OXNAD1: variants seen among roughly 807,000 people sequenced by gnomAD.
OXNAD1 encodes the protein oxidoreductase NAD-binding domain-containing protein 1.
In OXNAD1, 34 loss-of-function variants were observed where a neutral mutation model predicts 32.9. That is an observed-to-expected ratio of 1.03 (90% CI 0.79 to 1.38). OXNAD1 has a LOEUF of 1.38. OXNAD1 is among the 40% of genes most tolerant of loss of function. The pLI is 0.00. For synonymous variants in OXNAD1, 134 were observed against 135.2 expected (o/e 0.99, Z 0.06); for missense variants, 407 against 379.4 (o/e 1.07, Z -0.60).
chr3:16,330,899 G>A lies in OXNAD1; in HGVS notation c.*31-6213G>A, dbSNP rs576155424. 7.2e-5 allele frequency among the ~76,000 whole-genome samples: 11 copies of A among 152,274 alleles called. No homozygotes were observed. The South Asian group carries it at 2.3e-3, about 32-fold the overall frequency. The stretch of plus-strand genomic sequence containing the variant: ...AGAAATAATTAGGAATTCATAAATT[G>A]GTCCAGTGAGAAAGTTTGCATTCTG... On this transcript the variant is annotated intron_variant, in intron 9 of 9. Transcript: ENST00000435829.
At chr3:16,300,825 A>G (rs1015854776) in intron 6 of OXNAD1, among the ~76,000 whole-genome samples, 5 of 152,194 alleles carry the variant, frequency 3.3e-5, no homozygotes, top group Admixed American at 3.3e-4. Context: ...TAGGATCTCT[A>G]GCATCTCTGG....
chr3:16,268,281 A>G (rs987180564), intron 1 of OXNAD1, among the ~76,000 whole-genome samples: 15 of 148,556 alleles, frequency 1.0e-4, no homozygotes, highest in Admixed American at 2.7e-4. Flanking sequence ...TTACTTTCAC[A>G]AAATAAAATC....
In OXNAD1 at chr3:16,329,448, A is replaced by G. The variant is rs1404183288; in HGVS notation, c.*31-7664A>G. On this transcript the variant is annotated intron_variant, in intron 9 of 9. Coordinates refer to the OXNAD1 transcript ENST00000435829. The surrounding 1 kb of genome is among the most constrained non-coding windows in gnomAD (Gnocchi z 4.5). ...GAATAATCCGTTTACAGGTGGGGCC[A>G]GGAGAGAATGCCATTCTGGTCCCTT... is the stretch of plus-strand genomic sequence containing the variant. 1.3e-5 allele frequency among the ~76,000 whole-genome samples: 2 copies of G among 152,228 alleles called. No individual in the cohort carries two copies. The highest frequency in any genetic ancestry group is 2.9e-5 in the Non-Finnish European group (2 of 68,030).
chr3:16,282,842 TTC>T (rs1491463836), intron 4 of OXNAD1, among the ~76,000 whole-genome samples: 1 of 149,746 alleles, frequency 6.7e-6, no homozygotes, highest in Non-Finnish European at 1.5e-5. Context: ...TTTTTTTTTT[TTC>T]GGTGATTGAG....
At position 16,335,970 on chromosome 3, in the gene OXNAD1, G is replaced by A. The variant is rs968908958; in HGVS notation, c.*31-1142G>A. 3.3e-5 allele frequency among the ~76,000 whole-genome samples: 5 copies of A among 152,154 alleles called. No homozygotes were observed. The highest frequency in any genetic ancestry group is 1.3e-4 in the Admixed American group (2 of 15,280). ...TGCAGAGGAGGCAGAGCATGCTGGC[G>A]CCTTCTCAGGGCTGCCTGGGCCCTG... is the stretch of plus-strand genomic sequence containing the variant. On this transcript the variant is annotated intron_variant, in intron 9 of 9. Coordinates refer to the OXNAD1 transcript ENST00000435829. This position sits in a 1 kb window ranked among gnomAD's most constrained non-coding sequence, Gnocchi z 4.7.
Position 16,304,255 on chromosome 3 carries a change from T to G in OXNAD1, c.*693T>G, listed in dbSNP as rs763238252. 5 of 152,320 alleles carry G rather than the reference T, an allele frequency of 3.3e-5. No homozygotes were observed. The highest frequency in any genetic ancestry group is 7.3e-5 in the Non-Finnish European group (5 of 68,072). 9.4% of individuals were successfully genotyped at this position (152,320 alleles called of 1,614,324 possible). ...CTGCCTTAACGCTGTAGGAGGCAGC[T>G]TCTTGCTTGGGACAAAGGCATTGGT... On this transcript the variant is annotated 3_prime_UTR_variant, in exon 9 of 9. Coordinates refer to ENST00000285083, the MANE Select transcript of OXNAD1 (RefSeq NM_138381.5). The surrounding 1 kb of genome is among the most constrained non-coding windows in gnomAD (Gnocchi z 4.6).
rs1241283597 is a variant in OXNAD1 at position 16,280,789 on chromosome 3, T to A, written c.184-5553T>A. Among the ~76,000 whole-genome samples, 1 of 152,172 alleles carries A rather than the reference T, an allele frequency of 6.6e-6. No homozygotes were observed. The highest frequency in any genetic ancestry group is 1.5e-5 in the Non-Finnish European group (1 of 68,028). The stretch of plus-strand genomic sequence containing the variant: ...ACATAAAACCAGCTTTTTAAACAAG[T>A]GTGATGGAATTTCCTTTTAGATGCT... On this transcript the variant is annotated intron_variant, in intron 4 of 8. Coordinates refer to ENST00000285083, the MANE Select transcript of OXNAD1 (RefSeq NM_138381.5). This position sits in a 1 kb window ranked among gnomAD's most constrained non-coding sequence, Gnocchi z 4.5.
Position 16,302,971 on chromosome 3 carries a change from A to T in OXNAD1, c.784+223A>T, listed in dbSNP as rs1240367417. 6.6e-6 allele frequency among the ~76,000 whole-genome samples: 1 copy of T among 152,228 alleles called. No homozygotes were observed. Among genetic ancestry groups the T allele is most frequent in the Non-Finnish European group, 1.5e-5 (1 of 68,032 alleles). ...TAAAAGTGTACTTTTCACACTTTTT[A>T]AGAGGCCTTTGCATCATCACTGTAG... On this transcript the variant is annotated intron_variant, in intron 8 of 8. Coordinates refer to ENST00000285083, the MANE Select transcript of OXNAD1 (RefSeq NM_138381.5). The surrounding 1 kb of genome is among the most constrained non-coding windows in gnomAD (Gnocchi z 4.2).
rs897591909 is a variant in OXNAD1 at position 16,336,916 on chromosome 3, T to G, written c.*31-196T>G. ...TTGTTTGGAAGAATGGTGTCTATTA[T>G]GACTTCCCTGTGTCCAGGCCACTTT... is the stretch of plus-strand genomic sequence containing the variant. On this transcript the variant is annotated intron_variant, in intron 9 of 9. Coordinates refer to the OXNAD1 transcript ENST00000435829. The surrounding 1 kb of genome is among the most constrained non-coding windows in gnomAD (Gnocchi z 6.0). Among the ~76,000 whole-genome samples, 1 of 152,234 alleles carries G rather than the reference T, an allele frequency of 6.6e-6. No individual in the cohort carries two copies. The highest frequency in any genetic ancestry group is 1.5e-5 in the Non-Finnish European group (1 of 68,032).
intron 6 of OXNAD1, among the ~76,000 whole-genome samples, chr3:16,296,301 C>T (rs1206233914): frequency 6.6e-6 from 1 of 152,122 alleles, no homozygotes; most frequent in Non-Finnish European, 1.5e-5. Context: ...CAGTTCATTT[C>T]AATCCCATGA....
At position 16,344,682 on chromosome 3, in the gene OXNAD1, C is replaced by T. The variant is rs1448964673; in HGVS notation, c.*31-4494C>T. ...TGAAACAGGCCAAGGCACAGGATGG[C>T]ATCAGAAAGCTCATGAAGACAGACC... On this transcript the variant is annotated intron_variant, in intron 9 of 9. Coordinates refer to the OXNAD1 transcript ENST00000606098. The surrounding 1 kb of genome is among the most constrained non-coding windows in gnomAD (Gnocchi z 4.4). Among the ~76,000 whole-genome samples the T allele has an allele frequency of 6.6e-6, 1 of 152,172 alleles. No individual in the cohort carries two copies. Among genetic ancestry groups the T allele is most frequent in the Non-Finnish European group, 1.5e-5 (1 of 68,032 alleles).
chr3:16,339,383 G>A (rs690437), downstream of OXNAD1: 65,733 of 151,988 alleles, frequency 0.43, 14,367 homozygotes, highest in East Asian at 0.5. Flanking sequence ...TAGGGCTTCT[G>A]AGGTGCCAGA....
rs2125018844 is a variant in OXNAD1 at position 16,280,530 on chromosome 3, G to T, written c.184-5812G>T. Among the ~76,000 whole-genome samples the T allele has an allele frequency of 6.6e-6, 1 of 151,824 alleles. No individual in the cohort carries two copies. The highest frequency in any genetic ancestry group is 3.4e-3 in the Middle Eastern group (1 of 292). On this transcript the variant is annotated intron_variant, in intron 4 of 8. Transcript: ENST00000285083. The surrounding 1 kb of genome is among the most constrained non-coding windows in gnomAD (Gnocchi z 4.5). ...AATGTCTCTGGGTCTCGGTGTCTTT[G>T]TGTGTAAAATGGCATATGATTCTTG... is the stretch of plus-strand genomic sequence containing the variant.
rs1491581919 is a variant in OXNAD1 at position 16,345,264 on chromosome 3, T to TTTTGTG, written c.*31-3911_*31-3910insTTGTGT. 4 of 145,930 alleles carry TTTTGTG rather than the reference T, an allele frequency of 2.7e-5. No homozygotes were observed. In the East Asian group the frequency reaches 8.0e-4, roughly 29 times the overall value. The allele number at this position is 145,930 out of a possible 1,614,324, so 9.0% of individuals were successfully genotyped here. ...AAACTGTAAGATAATAAGTAGGTGG[T>TTTTGTG]TGTGTGTGTGTGTGTGTGTGTGTGT... is the stretch of plus-strand genomic sequence containing the variant. On this transcript the variant is annotated intron_variant, in intron 9 of 9. Transcript: ENST00000606098. This position sits in a 1 kb window ranked among gnomAD's most constrained non-coding sequence, Gnocchi z 5.2.
Position 16,322,872 on chromosome 3 carries a change from G to T in OXNAD1, c.*31-14240G>T, listed in dbSNP as rs1265239439. 6.6e-6 allele frequency among the ~76,000 whole-genome samples: 1 copy of T among 152,182 alleles called. No individual in the cohort carries two copies. The highest frequency in any genetic ancestry group is 2.4e-5 in the African/African-American group (1 of 41,452). ...CCACAGGCTACAGCTAGCATCACCAGCTGTCACACAGAGGCCTTTGGGTCT... is the reference window on the plus strand; with the variant it reads ...CCACAGGCTACAGCTAGCATCACCATCTGTCACACAGAGGCCTTTGGGTCT... On this transcript the variant is annotated intron_variant, in intron 9 of 9. Transcript: ENST00000435829. The surrounding 1 kb of genome is among the most constrained non-coding windows in gnomAD (Gnocchi z 6.2).
chr3:16,324,621 C>CCCTCCG (rs957893120), intron 9 of OXNAD1, among the ~76,000 whole-genome samples: 2 of 136,484 alleles, frequency 1.5e-5, no homozygotes, highest in Non-Finnish European at 3.3e-5. Context: ...TGACCCCCCC[C>CCCTCCG]CTTTTAAGGT....
At position 16,305,287 on chromosome 3, in the gene OXNAD1, C is replaced by T. The variant is rs9852431; in HGVS notation, c.*1725C>T. ...TGCAAAGTGAGCATCTCCAGTGCAGCATGGGATGGGAAGATAGGGAGGTGT... is the reference window on the plus strand; with the variant it reads ...TGCAAAGTGAGCATCTCCAGTGCAGTATGGGATGGGAAGATAGGGAGGTGT... On this transcript the variant is annotated 3_prime_UTR_variant, in exon 9 of 9. Transcript: ENST00000285083. This position sits in a 1 kb window ranked among gnomAD's most constrained non-coding sequence, Gnocchi z 4.5. 12,520 of 152,128 alleles carry T rather than the reference C, an allele frequency of 0.082. 1,685 individuals are homozygous for T. The highest frequency in any genetic ancestry group is 0.29 in the African/African-American group (11,831 of 41,360). 9.4% of individuals were successfully genotyped at this position (152,128 alleles called of 1,614,324 possible).
At chr3:16,272,670 G>A (rs2065038406) in intron 4 of OXNAD1, among the ~76,000 whole-genome samples, 2 of 120,416 alleles carry the variant, frequency 1.7e-5, no homozygotes, top group South Asian at 5.1e-4. Context: ...TTTTTTTTGA[G>A]AAGTCTGTAA....
Position 16,317,004 on chromosome 3 carries a change from A to T in OXNAD1, c.*30+13412A>T. 6.2e-7 allele frequency: 1 copy of T among 1,612,506 alleles called. No homozygotes were observed. The highest frequency in any genetic ancestry group is 2.2e-5 in the East Asian group (1 of 44,720). On this transcript the variant is annotated intron_variant, in intron 9 of 9. Transcript: ENST00000435829. The surrounding 1 kb of genome is among the most constrained non-coding windows in gnomAD (Gnocchi z 4.3). ...ACCCCACACAGCAGGCCACCAGGGG[A>T]CAGCTGTTCTCCCTTGTCCTCTTGG...
Sources: allele counts gnomAD v4.1 joint callset (sites outside exome capture counted in the v4.1 genomes callset), GRCh38; gene constraint gnomAD v4.1.1; non-coding constraint Gnocchi (gnomAD v3.1); transcripts MANE v1.5; gene names NCBI Gene and HGNC (gene_info 2026-07-23, HGNC 2026-07-21).